Variants in ERBB4 observed in about 807,000 individuals in gnomAD.
ERBB4 encodes erb-b2 receptor tyrosine kinase 4, also known as receptor tyrosine-protein kinase erbB-4.
Under a neutral mutation model 158.0 loss-of-function variants are expected in ERBB4, and 42 were observed. The ratio of observed to expected loss-of-function variants is 0.27; its 90% CI spans 0.21 to 0.34. The LOEUF is 0.34. ERBB4 is among the 10% of genes least tolerant of loss of function. ERBB4 has a pLI of 1.00. For missense variants in ERBB4, 1,333 were observed against 1,624.1 expected (o/e 0.82, Z 3.08); for synonymous variants, 583 against 558.7 (o/e 1.04, Z -0.61).
chr2:211,420,420 G>T (rs937735855), intron 25 of ERBB4, 21 bp downstream of exon 25: 4 of 1,499,004 alleles, frequency 2.7e-6, no homozygotes, highest in Non-Finnish European at 3.7e-6. Flanking sequence ...AATATGATAT[G>T]TGTATATAAT....
chr2:212,152,278 G>A (rs2080896906), intron 1 of ERBB4, among the ~76,000 whole-genome samples: 1 of 151,872 alleles, frequency 6.6e-6, no homozygotes, highest in African/African-American at 2.4e-5. Context: ...TTTATAAAAG[G>A]GAGTTATTAA....
intron 2 of ERBB4, among the ~76,000 whole-genome samples, chr2:212,106,374 C>G (rs772672962): frequency 5.3e-5 from 8 of 152,186 alleles, no homozygotes; most frequent in Admixed American, 1.3e-4. Context: ...TTTGTCCCTG[C>G]CCTAGAGATT....
intron 25 of ERBB4, among the ~76,000 whole-genome samples, chr2:211,416,406 A>C (rs2063393216): frequency 6.6e-6 from 1 of 152,224 alleles, no homozygotes; most frequent in Admixed American, 6.5e-5. Context: ...ATGTGTTTAA[A>C]TATCTAGAGA....
At chr2:212,061,717 T>C (rs1371605910) in intron 2 of ERBB4, among the ~76,000 whole-genome samples, 1 of 151,306 alleles carries the variant, frequency 6.6e-6, no homozygotes, top group Non-Finnish European at 1.5e-5. Context: ...GTTTCTTTCT[T>C]TCTTTTCCTT....
intron 3 of ERBB4, among the ~76,000 whole-genome samples, chr2:211,880,441 G>T (rs936984693): frequency 1.3e-5 from 2 of 151,854 alleles, no homozygotes; most frequent in Non-Finnish European, 2.9e-5. Flanking sequence ...TCCCTCATGC[G>T]CATACACAGT....
rs943154163 is a variant in ERBB4, at chr2:212,456,051, GA to G, written c.82+82397del. On this transcript the variant is annotated intron_variant, in intron 1 of 27. Coordinates refer to ENST00000342788, the MANE Select transcript of ERBB4 (RefSeq NM_005235.3). ...GAAGGAGAATTGAAAACAAAATTAAGAAAAAAAAAGCATAAATATTTTTATC... is the reference window on the plus strand; with the variant it reads ...GAAGGAGAATTGAAAACAAAATTAAGAAAAAAAAGCATAAATATTTTTATC... 2.6e-4 allele frequency among the ~76,000 whole-genome samples: 39 copies of G among 148,500 alleles called. 1 individual carries two copies. The South Asian group carries it at 6.9e-3, about 26-fold the overall frequency.
At chr2:212,112,382 G>T (rs1468081282) in intron 2 of ERBB4, among the ~76,000 whole-genome samples, 1 of 151,490 alleles carries the variant, frequency 6.6e-6, no homozygotes, top group Admixed American at 6.6e-5. Flanking sequence ...TCTGCTCAGG[G>T]TCCCCAAATT....
At chr2:212,520,133 T>C (rs2106311594) in intron 1 of ERBB4, among the ~76,000 whole-genome samples, 1 of 152,098 alleles carries the variant, frequency 6.6e-6, no homozygotes, top group African/African-American at 2.4e-5. Context: ...TAAAATATGT[T>C]GTTAACACTT....
At chr2:212,162,944 A>C (rs2081244879) in intron 1 of ERBB4, among the ~76,000 whole-genome samples, 1 of 152,062 alleles carries the variant, frequency 6.6e-6, no homozygotes, top group East Asian at 1.9e-4. Context: ...TCTTCTCAAA[A>C]GATTTCTTTT....
At chr2:211,420,649 C>G in intron 24 of ERBB4, 38 bp from the exon 25 acceptor site, 2 of 1,546,390 alleles carry the variant, frequency 1.3e-6, no homozygotes, top group Non-Finnish European at 1.8e-6. Flanking sequence ...AAATATGATT[C>G]TTTCTTATCT....
chr2:211,967,936 T>A (rs1045514746), intron 2 of ERBB4, among the ~76,000 whole-genome samples: 1 of 152,000 alleles, frequency 6.6e-6, no homozygotes, highest in African/African-American at 2.4e-5. Context: ...TCTGTGGGGA[T>A]GTTAACTGTA....
chr2:211,388,571 TG>T (rs1043759788), intron 25 of ERBB4, among the ~76,000 whole-genome samples: 1 of 151,724 alleles, frequency 6.6e-6, no homozygotes, highest in African/African-American at 2.4e-5. Flanking sequence ...ACATTTTTTT[TG>T]TTTTTTTTTT....
intron 22 of ERBB4, 47 bp from the exon 23 acceptor site, chr2:211,424,348 T>C: frequency 1.4e-6 from 2 of 1,432,822 alleles, no homozygotes; most frequent in Non-Finnish European, 2.0e-6. Flanking sequence ...ACAACATATG[T>C]TGAACAAACC....
intron 2 of ERBB4, among the ~76,000 whole-genome samples, chr2:212,053,534 C>T (rs2077462682): frequency 6.6e-6 from 1 of 152,196 alleles, no homozygotes; most frequent in African/African-American, 2.4e-5. Context: ...CCATTCTCCA[C>T]TCTGCTGCCA....
At chr2:212,281,886 G>A (rs531846217) in intron 1 of ERBB4, among the ~76,000 whole-genome samples, 2 of 151,854 alleles carry the variant, frequency 1.3e-5, no homozygotes, top group Middle Eastern at 3.4e-3. Flanking sequence ...GTTATAAAGT[G>A]TAAAAATCAA....
chr2:212,189,383 A>C (rs2082122880), intron 1 of ERBB4, among the ~76,000 whole-genome samples: 1 of 152,014 alleles, frequency 6.6e-6, no homozygotes, highest in Non-Finnish European at 1.5e-5. Flanking sequence ...CCTCTCCATC[A>C]CTAATTATTC....
intron 14 of ERBB4, among the ~76,000 whole-genome samples, chr2:211,668,195 G>A (rs550300016): frequency 5.3e-5 from 8 of 152,194 alleles, no homozygotes; most frequent in South Asian, 4.1e-4. Flanking sequence ...ATAATTTTAT[G>A]GTAACACCAT....
intron 20 of ERBB4, among the ~76,000 whole-genome samples, chr2:211,456,302 T>C (rs1030183214): frequency 9.9e-5 from 15 of 152,194 alleles, no homozygotes; most frequent in African/African-American, 3.4e-4. Context: ...GACAGTACAA[T>C]GTAAGGACAA....
intron 1 of ERBB4, among the ~76,000 whole-genome samples, chr2:212,164,129 G>A (rs532554850): frequency 6.6e-6 from 1 of 151,802 alleles, no homozygotes; most frequent in Non-Finnish European, 1.5e-5. Flanking sequence ...CAAATAGGCT[G>A]ATGTTAGACA....
Sources: allele counts gnomAD v4.1 joint callset (sites outside exome capture counted in the v4.1 genomes callset), GRCh38; gene constraint gnomAD v4.1.1; transcripts MANE v1.5; gene names NCBI Gene and HGNC (gene_info 2026-07-23, HGNC 2026-07-21).